PIM3: variants seen among roughly 807,000 people sequenced by gnomAD.
PIM3 encodes serine/threonine-protein kinase pim-3.
PIM3 carries 13 observed loss-of-function variants against 27.5 expected under a neutral mutation model. The ratio of observed to expected loss-of-function variants is 0.47; its 90% CI spans 0.31 to 0.75. PIM3 has a LOEUF of 0.75. PIM3 is among the 30% of genes least tolerant of loss of function. The pLI, the probability that PIM3 is intolerant of heterozygous loss-of-function variation, is 0.05. For missense variants in PIM3, 482 were observed against 476.9 expected (o/e 1.01, Z -0.10); for synonymous variants, 341 against 221.1 (o/e 1.54, Z -4.81).
chr22:49,964,022 G>A lies in PIM3; in HGVS notation c.*895G>A, dbSNP rs866749679. ...TTTCAGTTCAAAAGTGAGATGTCTG[G>A]AGATCATATTTTTTTATACAGGTAT... On this transcript the variant is annotated 3_prime_UTR_variant, in exon 6 of 6. Coordinates refer to ENST00000360612, the MANE Select transcript of PIM3 (RefSeq NM_001001852.4). The A allele has an allele frequency of 6.6e-6, 1 of 152,486 alleles. No homozygotes were observed. Among genetic ancestry groups the A allele is most frequent in the South Asian group, 2.1e-4 (1 of 4,830 alleles). 9.4% of individuals were successfully genotyped at this position (152,486 alleles called of 1,614,324 possible). A position where few individuals can be genotyped will look rare whatever the true frequency, so the allele number is the denominator to read the frequency against.
In PIM3 at chr22:49,961,131, C is replaced by A. The variant is rs756101496; in HGVS notation, c.92C>A (p.Ala31Glu). Residue 31 changes from alanine to glutamate, a missense_variant, in exon 2 of 6, where the codon GCG becomes GAG. Coordinates refer to ENST00000360612, the MANE Select transcript of PIM3 (RefSeq NM_001001852.4). ...CGCCCGCGCCTCCCTGCAGCCAAGG[C>A]GGACAAGGAGAGCTTCGAGAAGGCG... ...LPVKILQPAK[A>E]DKESFEKAYQ... 4.7e-6 allele frequency: 7 copies of A among 1,498,818 alleles called. No individual in the cohort carries two copies. The highest frequency in any genetic ancestry group is 1.3e-5 in the South Asian group (1 of 78,938). The allele number at this position is 1,498,818 out of a possible 1,614,324, so 92.8% of individuals were successfully genotyped here.
Position 49,961,589 on chromosome 22 carries a change from C to T in PIM3, c.394C>T (p.Leu132Phe), listed in dbSNP as rs1311086894. The T allele has an allele frequency of 6.5e-7, 1 of 1,548,590 alleles. No homozygotes were observed. Among genetic ancestry groups the T allele is most frequent in the Non-Finnish European group, 8.7e-7 (1 of 1,147,100 alleles). The stretch of plus-strand genomic sequence containing the variant: ...GGAGCGGCCCGAGCCGGCGCAGGAC[C>T]TCTTCGACTTTATCACGGAGCGCGG... ...VLERPEPAQD[L>F]FDFITERGAL... Residue 132 changes from leucine to phenylalanine, a missense_variant, in exon 4 of 6, where the codon CTC becomes TTC. Coordinates refer to ENST00000360612, the MANE Select transcript of PIM3 (RefSeq NM_001001852.4).
Position 49,961,620 on chromosome 22 carries a change from T to C in PIM3, c.425T>C (p.Leu142Pro). 1 of 1,551,980 alleles carries C rather than the reference T, an allele frequency of 6.4e-7. No homozygotes were observed. Reference sequence around the variant, plus strand: ...GACTTTATCACGGAGCGCGGCGCCCTGGACGAGCCGCTGGCGCGCCGCTTC... The same window carrying C: ...GACTTTATCACGGAGCGCGGCGCCCCGGACGAGCCGCTGGCGCGCCGCTTC... ...LFDFITERGA[L>P]DEPLARRFFA... Residue 142 changes from leucine (L) to proline (P), a missense_variant, in exon 4 of 6, where the codon CTG (leucine) becomes CCG (proline). Leu to Pro is a moderately conservative substitution (Grantham distance 98). Transcript: ENST00000360612.
Position 49,963,028 on chromosome 22 carries a change from G to A in PIM3, c.882G>A (p.Leu294=). Residue 294 remains leucine (L), a synonymous_variant, in exon 6 of 6, where the codon CTG becomes CTA. Coordinates refer to ENST00000360612, the MANE Select transcript of PIM3 (RefSeq NM_001001852.4). Reference sequence around the variant, plus strand: ...AGATTGCGGCCCATCCCTGGATGCTGGGGGCTGACGGGGGCGTCCCGGAGA... The same window carrying A: ...AGATTGCGGCCCATCCCTGGATGCTAGGGGCTGACGGGGGCGTCCCGGAGA... ...LDQIAAHPWM[L]GADGGVPESC... The A allele has an allele frequency of 1.2e-6, 2 of 1,611,990 alleles. No individual in the cohort carries two copies. Among genetic ancestry groups the A allele is most frequent in the Middle Eastern group, 1.7e-4 (1 of 6,028 alleles).
chr22:49,962,858 C>T lies in PIM3; in HGVS notation c.786C>T (p.Val262=), dbSNP rs201559644. ...GCCGCCTGCTCTTCCGGAGGAGGGT[C>T]TCTCCAGGTGCGTGGTGGCTCGAGG... ...LRGRLLFRRR[V]SPECQQLIRW... Residue 262 remains valine, a synonymous_variant, in exon 5 of 6, where the codon GTC becomes GTT. Coordinates refer to ENST00000360612, the MANE Select transcript of PIM3 (RefSeq NM_001001852.4). 1 of 1,609,220 alleles carries T rather than the reference C, an allele frequency of 6.2e-7. No homozygotes were observed.
Position 49,963,705 on chromosome 22 carries a change from A to AG in PIM3, c.*582dup. On this transcript the variant is annotated 3_prime_UTR_variant, in exon 6 of 6. Coordinates refer to ENST00000360612, the MANE Select transcript of PIM3 (RefSeq NM_001001852.4). ...AAGCCCCAGGGGACAGTGGGGAGGCAGGGGAGGGGGTGGCTGTGGTCCAGG... is the reference window on the plus strand; with the variant it reads ...AAGCCCCAGGGGACAGTGGGGAGGCAGGGGGAGGGGGTGGCTGTGGTCCAGG... 1 of 152,554 alleles carries AG rather than the reference A, an allele frequency of 6.6e-6. No individual in the cohort carries two copies. The highest frequency in any genetic ancestry group is 2.0e-4 in the South Asian group (1 of 5,016). The allele number at this position is 152,554 out of a possible 1,614,324, so 9.5% of individuals were successfully genotyped here. A position where few individuals can be genotyped will look rare whatever the true frequency, so the allele number is the denominator to read the frequency against.
intron 2 of PIM3, 21 bp downstream of exon 2, chr22:49,961,255 G>T: frequency 6.5e-7 from 1 of 1,536,380 alleles, no homozygotes; most frequent in African/African-American, 1.4e-5. Flanking sequence ...CCGCCGGGCG[G>T]GCCCGGGTTT....
chr22:49,961,540 G>C lies in PIM3; in HGVS notation c.345G>C (p.Arg115=). ...TCCGCCTGCTGGACTGGTTCGAGCG[G>C]CCCGACGGCTTCCTGCTGGTGCTGG... ...GVIRLLDWFE[R]PDGFLLVLER... Residue 115 remains arginine (R), a synonymous_variant, in exon 4 of 6, where the codon CGG becomes CGC. Transcript: ENST00000360612. The C allele has an allele frequency of 6.5e-7, 1 of 1,544,418 alleles. No homozygotes were observed. The highest frequency in any genetic ancestry group is 8.7e-7 in the Non-Finnish European group (1 of 1,145,514).
chr22:49,960,797 G>C lies in PIM3; in HGVS notation c.-151G>C, dbSNP rs1213948421. 3.1e-6 allele frequency: 1 copy of C among 323,474 alleles called. No individual in the cohort carries two copies. The highest frequency in any genetic ancestry group is 2.3e-5 in the African/African-American group (1 of 43,270). The allele number at this position is 323,474 out of a possible 1,614,324, so 20.0% of individuals were successfully genotyped here. A position where few individuals can be genotyped will look rare whatever the true frequency, so the allele number is the denominator to read the frequency against. ...GGGTGAGGCGCTCCGCCTGCTGCGC[G>C]TCTACGCGGTCCCCGCGGGCCTTCC... On this transcript the variant is annotated 5_prime_UTR_variant, in exon 1 of 6. Transcript: ENST00000360612.
At position 49,962,970 on chromosome 22, in the gene PIM3, C is replaced by G; in HGVS notation, c.824C>G (p.Ser275Cys). ...CAGCAGCTGATCCGGTGGTGCCTGTCCCTGCGGCCCTCAGAGCGGCCGTCG... is the reference window on the plus strand; with the variant it reads ...CAGCAGCTGATCCGGTGGTGCCTGTGCCTGCGGCCCTCAGAGCGGCCGTCG... ...ECQQLIRWCL[S>C]LRPSERPSLD... Residue 275 changes from serine to cysteine, a missense_variant, in exon 6 of 6, where the codon TCC becomes TGC. By Grantham distance (112) the Ser-to-Cys change is moderately radical. Transcript: ENST00000360612. 1 of 1,608,908 alleles carries G rather than the reference C, an allele frequency of 6.2e-7. No individual in the cohort carries two copies. The highest frequency in any genetic ancestry group is 8.5e-7 in the Non-Finnish European group (1 of 1,179,472).
chr22:49,961,283 T>G lies in PIM3; in HGVS notation c.196-35T>G, dbSNP rs781396859. The G allele has an allele frequency of 3.9e-6, 6 of 1,540,932 alleles. No homozygotes were observed. The South Asian group carries it at 7.2e-5, about 19-fold the overall frequency. ...CCGGGTTTCTCGCGCGCCTTGCGCC[T>G]CGCTTGGCCCGGCCTGACCCCCGCG... is the stretch of plus-strand genomic sequence containing the variant. On this transcript the variant is annotated intron_variant, in intron 2 of 5. Transcript: ENST00000360612.
intron 4 of PIM3, 44 bp downstream of exon 4, chr22:49,961,855 G>A (rs752823079): frequency 6.2e-7 from 1 of 1,602,672 alleles, no homozygotes; most frequent in Admixed American, 1.7e-5. Flanking sequence ...GGGCCTTGCC[G>A]GCGGGTTAAC....
Position 49,963,128 on chromosome 22 carries a change from G to A in PIM3, c.*1G>A. 6.3e-7 allele frequency: 1 copy of A among 1,592,176 alleles called. No homozygotes were observed. On this transcript the variant is annotated 3_prime_UTR_variant, in exon 6 of 6. Transcript: ENST00000360612. ...CACGTCCAGCAGCGAGAGCTTGTGA[G>A]GAGCTGCACCTGACTGGGAGCTAGG...
chr22:49,962,769 G>T lies in PIM3; in HGVS notation c.697G>T (p.Val233Leu). ...CTCGGCCACCGTGTGGTCGCTGGGC[G>T]TGCTTCTCTACGATATGGTGTGTGG... ...GRSATVWSLGVLLYDMVCGDI... is the reference protein window; with the variant it reads ...GRSATVWSLGLLLYDMVCGDI... The change falls in exon 5 of 6, where the codon GTG (valine) becomes TTG (leucine). Residue 233 changes from valine (V) to leucine (L), a missense_variant. Transcript: ENST00000360612. The T allele has an allele frequency of 6.2e-7, 1 of 1,612,828 alleles. No individual in the cohort carries two copies.
In PIM3 at chr22:49,961,052, G is replaced by T; in HGVS notation, c.85+20G>T. 1 of 1,331,922 alleles carries T rather than the reference G, an allele frequency of 7.5e-7. No individual in the cohort carries two copies. The highest frequency in any genetic ancestry group is 9.7e-7 in the Non-Finnish European group (1 of 1,034,594). The allele number at this position is 1,331,922 out of a possible 1,614,324, so 82.5% of individuals were successfully genotyped here. A position where few individuals can be genotyped will look rare whatever the true frequency, so the allele number is the denominator to read the frequency against. On this transcript the variant is annotated intron_variant, in intron 1 of 5. Coordinates refer to ENST00000360612, the MANE Select transcript of PIM3 (RefSeq NM_001001852.4). The stretch of plus-strand genomic sequence containing the variant: ...AGCCAGGTACGCGCGGGGCCGGCGG[G>T]GCCGGGGCCGGGGCCAGGGCGGGGA...
Position 49,963,260 on chromosome 22 carries a change from C to A in PIM3, c.*133C>A. ...GTGACCTCTGACCCCTGGTGACCTT[C>A]GCTTTGAGTGCCTTTTGAACGCTGG... On this transcript the variant is annotated 3_prime_UTR_variant, in exon 6 of 6. Transcript: ENST00000360612. The A allele has an allele frequency of 9.8e-7, 1 of 1,025,040 alleles. No homozygotes were observed. The highest frequency in any genetic ancestry group is 1.4e-6 in the Non-Finnish European group (1 of 731,046). The allele number at this position is 1,025,040 out of a possible 1,614,324, so 63.5% of individuals were successfully genotyped here.
Position 49,960,933 on chromosome 22 carries a change from A to G in PIM3, c.-15A>G, listed in dbSNP as rs2146702883. 7.7e-7 allele frequency: 1 copy of G among 1,301,676 alleles called. No homozygotes were observed. Among genetic ancestry groups the G allele is most frequent in the Non-Finnish European group, 9.8e-7 (1 of 1,015,972 alleles). The allele number at this position is 1,301,676 out of a possible 1,614,324, so 80.6% of individuals were successfully genotyped here. ...GCGCCTGGGGCTCGGGGCTCCGGGG[A>G]GGCCGTCGCCCGCGATGCTGCTCTC... On this transcript the variant is annotated 5_prime_UTR_variant, in exon 1 of 6. Coordinates refer to ENST00000360612, the MANE Select transcript of PIM3 (RefSeq NM_001001852.4).
At position 49,961,778 on chromosome 22, in the gene PIM3, C is replaced by G. The variant is rs778753697; in HGVS notation, c.583C>G (p.Leu195Val). The change falls in exon 4 of 6, where the codon CTG (leucine) becomes GTG (valine). Residue 195 changes from leucine to valine, a missense_variant. By Grantham distance (32) the Leu-to-Val change is conservative. Coordinates refer to ENST00000360612, the MANE Select transcript of PIM3 (RefSeq NM_001001852.4). Reference sequence around the variant, plus strand: ...GCTCATCGACTTCGGTTCGGGTGCGCTGCTCAAGGACACGGTCTACACCGA... The same window carrying G: ...GCTCATCGACTTCGGTTCGGGTGCGGTGCTCAAGGACACGGTCTACACCGA... Reference protein sequence around the residue: ...LKLIDFGSGALLKDTVYTDFD... With the variant: ...LKLIDFGSGAVLKDTVYTDFD... 2.5e-6 allele frequency: 4 copies of G among 1,611,624 alleles called. No individual in the cohort carries two copies. Among genetic ancestry groups the G allele is most frequent in the African/African-American group, 2.7e-5 (2 of 74,680 alleles).
Position 49,963,272 on chromosome 22 carries a change from C to G in PIM3, c.*145C>G. 2 of 881,688 alleles carry G rather than the reference C, an allele frequency of 2.3e-6. No homozygotes were observed. Among genetic ancestry groups the G allele is most frequent in the Non-Finnish European group, 3.3e-6 (2 of 602,870 alleles). 54.6% of individuals were successfully genotyped at this position (881,688 alleles called of 1,614,324 possible). The stretch of plus-strand genomic sequence containing the variant: ...CCCTGGTGACCTTCGCTTTGAGTGC[C>G]TTTTGAACGCTGGTCCCGCGGGACT... On this transcript the variant is annotated 3_prime_UTR_variant, in exon 6 of 6. Transcript: ENST00000360612.
Sources: allele counts gnomAD v4.1 joint callset, GRCh38; gene constraint gnomAD v4.1.1; transcripts MANE v1.5; gene names NCBI Gene and HGNC (gene_info 2026-07-23, HGNC 2026-07-21).